TENM2: variants seen among roughly 807,000 people sequenced by gnomAD.
TENM2 encodes teneurin-2.
In TENM2, 52 loss-of-function variants were observed where a neutral mutation model predicts 245.2. The observed-to-expected ratio is 0.21, with a 90% CI of 0.17 to 0.27. The LOEUF is 0.27. Ranked by LOEUF, TENM2 falls within the 10% of genes least tolerant of loss-of-function variation. The probability of loss-of-function intolerance (pLI) is 1.00; values close to 1 mark genes in which losing one functional copy is unlikely to be tolerated. For missense variants in TENM2, 3,046 were observed against 3,666.8 expected (o/e 0.83, Z 4.37); for synonymous variants, 1,363 against 1,438.9 (o/e 0.95, Z 1.19).
Position 167,438,598 on chromosome 5 carries a change from G to A in TENM2, c.502+63125G>A, listed in dbSNP as rs565460027. ...TTTTTTAGTAGAGACGGGGTTTCAC[G>A]CTGTTAGCCAGGATGGTCTCGATCT... On this transcript the variant is annotated intron_variant, in intron 2 of 28. Coordinates refer to ENST00000518659, the Ensembl canonical transcript of TENM2. Among the ~76,000 whole-genome samples, 12 of 152,000 alleles carry A rather than the reference G, an allele frequency of 7.9e-5. No homozygotes were observed. In the South Asian group the frequency reaches 1.5e-3, roughly 18 times the overall value.
At chr5:167,031,725 C>T in the TENM2 span, among the ~76,000 whole-genome samples, 3 of 152,024 alleles carry the variant, frequency 2.0e-5, no homozygotes, top group African/African-American at 4.8e-5. Flanking sequence ...CTACCACGCC[C>T]GGCTAATTTT....
chr5:167,720,539 A>C (rs1377071584), intron 2 of TENM2, among the ~76,000 whole-genome samples: 1 of 152,204 alleles, frequency 6.6e-6, no homozygotes, highest in African/African-American at 2.4e-5. Context: ...TAGATACTTA[A>C]GTGATTCTCC....
At chr5:167,187,592 C>T in the TENM2 span, among the ~76,000 whole-genome samples, 2 of 152,114 alleles carry the variant, frequency 1.3e-5, no homozygotes, top group Admixed American at 1.3e-4. Flanking sequence ...AGCTGACTGT[C>T]ACCTGGGGTC....
At chr5:167,033,872 C>T in the TENM2 span, among the ~76,000 whole-genome samples, 1 of 152,164 alleles carries the variant, frequency 6.6e-6, no homozygotes, top group African/African-American at 2.4e-5. Flanking sequence ...ACATGTGTGA[C>T]TCAATAAATT....
At chr5:168,075,152 G>A (rs1258917293) in intron 7 of TENM2, among the ~76,000 whole-genome samples, 1 of 152,090 alleles carries the variant, frequency 6.6e-6, no homozygotes, top group East Asian at 1.9e-4. Context: ...TGTCCTCAAA[G>A]CTCAGCTCCC....
intron 2 of TENM2, among the ~76,000 whole-genome samples, chr5:167,543,653 A>C (rs2127608416): frequency 6.6e-6 from 1 of 152,330 alleles, no homozygotes; most frequent in Middle Eastern, 3.4e-3. Context: ...ATTTTCACAT[A>C]GTTCTGGAAG....
At chr5:167,226,278 T>A in the TENM2 span, among the ~76,000 whole-genome samples, 1 of 151,898 alleles carries the variant, frequency 6.6e-6, no homozygotes, top group Non-Finnish European at 1.5e-5. Flanking sequence ...ACTTTTTTGA[T>A]GTAGGCATTT....
At chr5:167,773,162 T>C (rs1393853682) in intron 2 of TENM2, among the ~76,000 whole-genome samples, 1 of 152,204 alleles carries the variant, frequency 6.6e-6, no homozygotes, top group Non-Finnish European at 1.5e-5. Context: ...TTGAGAAATA[T>C]GGTTAGACTA....
At chr5:168,135,071 A>G (rs1342155867) in intron 12 of TENM2, among the ~76,000 whole-genome samples, 3 of 152,180 alleles carry the variant, frequency 2.0e-5, no homozygotes, top group African/African-American at 7.2e-5. Context: ...ATCATTTAGG[A>G]GACCCAAATT....
At chr5:167,112,558 A>G in the TENM2 span, among the ~76,000 whole-genome samples, 1 of 152,204 alleles carries the variant, frequency 6.6e-6, no homozygotes, top group Non-Finnish European at 1.5e-5. Flanking sequence ...CCACTATCTC[A>G]TAGTATTTGA....
chr5:168,119,583 A>G (rs570057994), intron 10 of TENM2, among the ~76,000 whole-genome samples: 1 of 152,242 alleles, frequency 6.6e-6, no homozygotes, highest in East Asian at 1.9e-4. Context: ...CCATATAAAG[A>G]ATTGGCCACA....
intron 8 of TENM2, 127 bp from the exon 11 acceptor site, chr5:168,097,899 C>A (rs1793497517): frequency 1.5e-6 from 1 of 669,632 alleles, no homozygotes; most frequent in Admixed American, 2.2e-5. Flanking sequence ...ATATTGCTGA[C>A]CGATCCCCTA....
At chr5:167,057,370 AT>A in the TENM2 span, among the ~76,000 whole-genome samples, 5 of 152,138 alleles carry the variant, frequency 3.3e-5, no homozygotes, top group East Asian at 9.7e-4. Flanking sequence ...TACACTGTAT[AT>A]TTTTTTGCCT....
intron 8 of TENM2, among the ~76,000 whole-genome samples, chr5:168,092,087 A>C (rs748805177): frequency 1.3e-5 from 2 of 152,148 alleles, no homozygotes; most frequent in Admixed American, 1.3e-4. Context: ...GAACTTTTCT[A>C]TTGGTCCCAT....
the TENM2 span, among the ~76,000 whole-genome samples, chr5:167,137,763 G>A: frequency 6.6e-6 from 1 of 151,850 alleles, no homozygotes; most frequent in African/African-American, 2.4e-5. Context: ...CTACTGGCTT[G>A]TTAACTTTAA....
chr5:168,064,012 A>G (rs530824545), intron 7 of TENM2, among the ~76,000 whole-genome samples: 2 of 152,196 alleles, frequency 1.3e-5, no homozygotes, highest in East Asian at 3.9e-4. Flanking sequence ...AGGGCTAGAC[A>G]CTGATTATCT....
chr5:167,832,137 G>T (rs1032756014), intron 2 of TENM2, among the ~76,000 whole-genome samples: 17 of 152,184 alleles, frequency 1.1e-4, no homozygotes, highest in African/African-American at 3.9e-4. Flanking sequence ...AATGGTATTT[G>T]TATCTCTTTT....
chr5:167,320,506 A>G lies in TENM2; in HGVS notation c.226+35443A>G, dbSNP rs965504749. ...CAGGGCTTAGCCATATAGGAGTGCT[A>G]TGGTTTGAATGTTTGTTCCCTCTGA... On this transcript the variant is annotated intron_variant, in intron 1 of 28. Coordinates refer to ENST00000518659, the Ensembl canonical transcript of TENM2. Among the ~76,000 whole-genome samples the G allele has an allele frequency of 6.6e-5, 10 of 152,170 alleles. No homozygotes were observed. The East Asian group carries it at 1.5e-3, about 23-fold the overall frequency.
intron 2 of TENM2, among the ~76,000 whole-genome samples, chr5:167,515,733 T>G (rs1770335528): frequency 8.2e-6 from 1 of 122,606 alleles, no homozygotes; most frequent in African/African-American, 3.0e-5. Context: ...TGGTGCCATC[T>G]TGGCTCACTG....
Sources: gnomAD v4.1 joint callset for allele counts (sites outside exome capture counted in the v4.1 genomes callset) on GRCh38, gnomAD v4.1.1 for gene constraint, MANE v1.5 for transcripts, NCBI Gene and HGNC (gene_info 2026-07-23, HGNC 2026-07-21) for gene names.